Variants in MBNL1 observed in about 807,000 individuals in gnomAD.
The protein encoded by MBNL1 is muscleblind like splicing regulator 1.
Under a neutral mutation model 42.2 loss-of-function variants are expected in MBNL1, and 8 were observed. The observed-to-expected ratio is 0.19, with a 90% CI of 0.11 to 0.34. MBNL1 has a LOEUF of 0.34. MBNL1 is among the 10% of genes least tolerant of loss of function. MBNL1 has a pLI of 1.00. For synonymous variants in MBNL1, 169 were observed against 173.9 expected, an observed-to-expected ratio of 0.97 and a Z score of 0.22; for missense variants, 309 against 495.3, an observed-to-expected ratio of 0.62 and a Z score of 3.57.
At chr3:152,422,733 A>G (rs941042372) in intron 3 of MBNL1, among the ~76,000 whole-genome samples, 1 of 152,148 alleles carries the variant, frequency 6.6e-6, no homozygotes, top group Admixed American at 6.6e-5. Context: ...AAAAGAACAG[A>G]TATCATAAAC....
intron 2 of MBNL1, among the ~76,000 whole-genome samples, chr3:152,310,505 A>G (rs2065732475): frequency 6.6e-6 from 1 of 152,242 alleles, no homozygotes; most frequent in African/African-American, 2.4e-5. Flanking sequence ...AGACAAAAAT[A>G]TAGTATATTG....
intron 2 of MBNL1, among the ~76,000 whole-genome samples, chr3:152,331,698 T>C (rs2084687668): frequency 6.6e-6 from 1 of 152,076 alleles, no homozygotes; most frequent in South Asian, 2.1e-4. Flanking sequence ...TGTTATTGAT[T>C]GATTGATTGA....
At chr3:152,371,575 A>G (rs548393043) in intron 2 of MBNL1, among the ~76,000 whole-genome samples, 1 of 152,202 alleles carries the variant, frequency 6.6e-6, no homozygotes, top group Non-Finnish European at 1.5e-5. Flanking sequence ...CAGCCTGGGC[A>G]ACAAGAGTGA....
At chr3:152,336,125 T>A (rs2089958875) in intron 2 of MBNL1, among the ~76,000 whole-genome samples, 1 of 152,102 alleles carries the variant, frequency 6.6e-6, no homozygotes, top group Non-Finnish European at 1.5e-5. Flanking sequence ...GTTTAGATGA[T>A]CTGATCTTAT....
intron 2 of MBNL1, among the ~76,000 whole-genome samples, chr3:152,362,863 C>T (rs2096076933): frequency 6.6e-6 from 1 of 152,094 alleles, no homozygotes. Context: ...TACATCTGTA[C>T]TTGTAGAGAT....
intron 2 of MBNL1, among the ~76,000 whole-genome samples, chr3:152,392,819 G>C (rs545819169): frequency 6.6e-6 from 1 of 152,278 alleles, no homozygotes; most frequent in East Asian, 1.9e-4. Context: ...TTGCAGTAAT[G>C]TCAGGGAAAC....
chr3:152,437,655 A>G (rs1242669658), intron 4 of MBNL1, among the ~76,000 whole-genome samples: 1 of 152,158 alleles, frequency 6.6e-6, no homozygotes, highest in Non-Finnish European at 1.5e-5. Context: ...ATAAGCATAT[A>G]TTACATATAT....
intron 1 of MBNL1, among the ~76,000 whole-genome samples, chr3:152,273,576 A>G (rs754290909): frequency 2.6e-5 from 4 of 152,194 alleles, no homozygotes; most frequent in Admixed American, 6.5e-5. Flanking sequence ...TTCTTTTTCT[A>G]CTGTTTTTGA....
intron 5 of MBNL1, chr3:152,446,717 TC>T: frequency 6.2e-7 from 1 of 1,614,008 alleles, no homozygotes; most frequent in Non-Finnish European, 8.5e-7. Flanking sequence ...CAGTCGGCTG[TC>T]AAATCACTGA....
chr3:152,294,218 G>T (rs2057479915), intron 1 of MBNL1, among the ~76,000 whole-genome samples: 1 of 150,740 alleles, frequency 6.6e-6, no homozygotes, highest in Non-Finnish European at 1.5e-5. Flanking sequence ...CGTTTGGAAT[G>T]TGATCAGTAG....
chr3:152,412,353 A>G (rs932453090), intron 2 of MBNL1, among the ~76,000 whole-genome samples: 1 of 152,108 alleles, frequency 6.6e-6, no homozygotes, highest in Non-Finnish European at 1.5e-5. Flanking sequence ...CTATATCAGA[A>G]TCACCTGGAA....
intron 2 of MBNL1, among the ~76,000 whole-genome samples, chr3:152,329,672 C>A: frequency 8.4e-6 from 1 of 118,548 alleles, no homozygotes. Context: ...TATATTTTAT[C>A]TTATATATAT....
At chr3:152,265,706 C>T (rs966734399), upstream of MBNL1, 10 of 151,688 alleles carry the variant, frequency 6.6e-5, no homozygotes, top group East Asian at 1.7e-3. Flanking sequence ...ATTTCAGGAA[C>T]CTGCAGTGAA....
chr3:152,370,264 G>A (rs577288501), intron 2 of MBNL1, among the ~76,000 whole-genome samples: 2 of 152,262 alleles, frequency 1.3e-5, no homozygotes, highest in South Asian at 4.1e-4. Context: ...TATTTACCCA[G>A]TAGTCATTCA....
intron 2 of MBNL1, among the ~76,000 whole-genome samples, chr3:152,311,811 T>C (rs1428438483): frequency 6.6e-6 from 1 of 152,078 alleles, no homozygotes; most frequent in African/African-American, 2.4e-5. Context: ...GCATGTTTGC[T>C]CTCAAAAAAC....
At chr3:152,357,553 C>A (rs2095619795) in intron 2 of MBNL1, among the ~76,000 whole-genome samples, 1 of 152,124 alleles carries the variant, frequency 6.6e-6, no homozygotes, top group African/African-American at 2.4e-5. Context: ...AATGGTTAAA[C>A]ACTACTGTTA....
At chr3:152,426,756 G>A (rs7620501) in intron 3 of MBNL1, among the ~76,000 whole-genome samples, 52,539 of 152,082 alleles carry the variant, frequency 0.35, 9,281 homozygotes, top group Middle Eastern at 0.43. Context: ...AGCTATCTCA[G>A]GGTCCATAAT....
chr3:152,254,449 G>T (rs190453155), intron 2 of MBNL1, among the ~76,000 whole-genome samples: 92 of 152,030 alleles, frequency 6.1e-4, no homozygotes, highest in Admixed American at 5.1e-3. Flanking sequence ...GACAGTTAGG[G>T]TTCATTGTTT....
At chr3:152,376,286 C>T (rs993883908) in intron 2 of MBNL1, among the ~76,000 whole-genome samples, 5 of 152,010 alleles carry the variant, frequency 3.3e-5, no homozygotes, top group Admixed American at 1.3e-4. Flanking sequence ...TTAACTTTTT[C>T]GGATTATACA....
Sources: gnomAD v4.1 joint callset for allele counts (sites outside exome capture counted in the v4.1 genomes callset) on GRCh38, gnomAD v4.1.1 for gene constraint, MANE v1.5 for transcripts, NCBI Gene and HGNC (gene_info 2026-07-23, HGNC 2026-07-21) for gene names.